The following EFNB2 variants were observed in gnomAD, a reference collection of about 807,000 sequenced individuals.
The protein encoded by EFNB2 is ephrin-B2.
A neutral mutation model predicts 32.1 loss-of-function variants in EFNB2; 5 were observed. The ratio of observed to expected loss-of-function variants is 0.16; its 90% CI spans 0.08 to 0.33. The LOEUF is 0.33. Ranked by LOEUF, EFNB2 falls within the 10% of genes least tolerant of loss-of-function variation. EFNB2 has a pLI of 1.00. For missense variants in EFNB2, 263 were observed against 422.6 expected (o/e 0.62, Z 3.31); for synonymous variants, 168 against 166.5 (o/e 1.01, Z -0.07).
intron 1 of EFNB2, among the ~76,000 whole-genome samples, chr13:106,532,806 A>G (rs55857805): frequency 0.3 from 42,997 of 145,258 alleles, 6,458 homozygotes; most frequent in Admixed American, 0.35. Context: ...AGACAGACTC[A>G]TCTTCATCAT....
At position 106,493,155 on chromosome 13, in the gene EFNB2, G is replaced by A. The variant is rs1305239957; in HGVS notation, c.887C>T (p.Ala296Val). 3.1e-6 allele frequency: 5 copies of A among 1,614,086 alleles called. No individual in the cohort carries two copies. The highest frequency in any genetic ancestry group is 1.7e-5 in the Admixed American group (1 of 60,024). The change falls in exon 5 of 5, where the codon GCG becomes GTG. Residue 296 changes from alanine to valine, a missense_variant. Around this residue, in one of 3 missense-constraint regions of EFNB2, gnomAD observed 172 missense variants for 237.1 expected, o/e 0.73. Transcript: ENST00000646441. This position sits in a 1 kb window ranked among gnomAD's most constrained non-coding sequence, Gnocchi z 6.1. ...GTAGTGAGGGCAGAAGACGCTGTCC[G>A]CAGTCCTTAGCGGGATGATAATGTC... ...PSDIIIPLRT[A>V]DSVFCPHYEK...
intron 1 of EFNB2, chr13:106,519,629 A>G (rs369849857): frequency 2.9e-4 from 44 of 152,318 alleles, no homozygotes; most frequent in African/African-American, 8.2e-4. Context: ...CATCAATAAT[A>G]TATGGCATGT....
intron 1 of EFNB2, among the ~76,000 whole-genome samples, chr13:106,533,570 A>T (rs1452301113): frequency 6.6e-6 from 1 of 152,220 alleles, no homozygotes; most frequent in East Asian, 1.9e-4. Context: ...CTTTTCATGA[A>T]GGGATTCTTG....
intron 1 of EFNB2, among the ~76,000 whole-genome samples, chr13:106,526,403 T>C (rs1023410657): frequency 2.6e-5 from 4 of 152,180 alleles, no homozygotes; most frequent in Non-Finnish European, 2.9e-5. Flanking sequence ...ATATCAATCA[T>C]GACGTACCGT....
At chr13:106,504,164 TA>T (rs1374402493) in intron 2 of EFNB2, among the ~76,000 whole-genome samples, 1 of 151,932 alleles carries the variant, frequency 6.6e-6, no homozygotes, top group Non-Finnish European at 1.5e-5. Context: ...AGGGTCAGAG[TA>T]AAAAGTTCAT....
At chr13:106,527,284 A>C (rs1879732900) in intron 1 of EFNB2, among the ~76,000 whole-genome samples, 1 of 151,732 alleles carries the variant, frequency 6.6e-6, no homozygotes, top group Non-Finnish European at 1.5e-5. Context: ...TAATACATAA[A>C]AACAACAATA....
chr13:106,532,554 T>C (rs1879913098), intron 1 of EFNB2, among the ~76,000 whole-genome samples: 1 of 152,148 alleles, frequency 6.6e-6, no homozygotes, highest in Admixed American at 6.5e-5. Flanking sequence ...CTCAAAAACT[T>C]AGAGAGGACT....
chr13:106,513,746 C>T lies in EFNB2; in HGVS notation c.123-934G>A, dbSNP rs549078917. Among the ~76,000 whole-genome samples, 3 of 82,740 alleles carry T rather than the reference C, an allele frequency of 3.6e-5. No homozygotes were observed. In the South Asian group the frequency reaches 1.5e-3, roughly 41 times the overall value. 54.3% of individuals were successfully genotyped at this position (82,740 alleles called of 152,430 possible). On this transcript the variant is annotated intron_variant, in intron 1 of 4. Coordinates refer to ENST00000646441, the MANE Select transcript of EFNB2 (RefSeq NM_004093.4). ...TACAAGTGCTAACACTAACAACACA[C>T]TTAGAAATCTCAGCTCGTTCGTAAG...
chr13:106,502,532 T>C (rs76673033), intron 2 of EFNB2, among the ~76,000 whole-genome samples: 2 of 152,294 alleles, frequency 1.3e-5, no homozygotes, highest in East Asian at 3.9e-4. Context: ...TATTACTTAA[T>C]TGCTTCTACT....
In EFNB2 at chr13:106,493,492, T is replaced by C; in HGVS notation, c.614-64A>G. 1 of 1,528,390 alleles carries C rather than the reference T, an allele frequency of 6.5e-7. No homozygotes were observed. Among genetic ancestry groups the C allele is most frequent in the Non-Finnish European group, 8.8e-7 (1 of 1,139,474 alleles). 94.7% of individuals were successfully genotyped at this position (1,528,390 alleles called of 1,614,324 possible). On this transcript the variant is annotated intron_variant, in intron 4 of 4. Coordinates refer to ENST00000646441, the MANE Select transcript of EFNB2 (RefSeq NM_004093.4). This position sits in a 1 kb window ranked among gnomAD's most constrained non-coding sequence, Gnocchi z 6.1. Reference sequence around the variant, plus strand: ...TGCTGTCCCAGTGCAGACGGACTGCTTTTATGACCCTTAAAAATGTGAAAA... The same window carrying C: ...TGCTGTCCCAGTGCAGACGGACTGCCTTTATGACCCTTAAAAATGTGAAAA...
intron 3 of EFNB2, 99 bp from the exon 4 acceptor site, chr13:106,495,093 C>G (rs1878545047): frequency 1.1e-6 from 1 of 908,236 alleles, no homozygotes; most frequent in South Asian, 1.4e-5. Context: ...TAGCAATGAA[C>G]ATAAGAGTCT....
chr13:106,494,348 T>TTTTACAATTTTACA (rs1289448159), intron 4 of EFNB2, among the ~76,000 whole-genome samples: 1 of 152,232 alleles, frequency 6.6e-6, no homozygotes, highest in Non-Finnish European at 1.5e-5. Context: ...GACAATTTTA[T>TTTTACAATTTTACA]CTGGTATTCT....
In EFNB2 at chr13:106,492,910, G is replaced by A. The variant is rs1878458373; in HGVS notation, c.*130C>T. 6.3e-6 allele frequency: 8 copies of A among 1,272,530 alleles called. No individual in the cohort carries two copies. Among genetic ancestry groups the A allele is most frequent in the East Asian group, 2.4e-5 (1 of 41,976 alleles). 78.8% of individuals were successfully genotyped at this position (1,272,530 alleles called of 1,614,324 possible). ...TGTCCAGCGCGACGGGCTCTTCCGA[G>A]GAGGAGTGTCCCTCTCCCCCGGTGC... is the stretch of plus-strand genomic sequence containing the variant. On this transcript the variant is annotated 3_prime_UTR_variant, in exon 5 of 5. Coordinates refer to ENST00000646441, the MANE Select transcript of EFNB2 (RefSeq NM_004093.4). This position sits in a 1 kb window ranked among gnomAD's most constrained non-coding sequence, Gnocchi z 5.1.
rs1879383229 is a variant in EFNB2, at chr13:106,518,279, T to G, written c.123-5467A>C. ...TGAATCCGAGAGGCGGAGGTTGCAG[T>G]GAGCCGAGATCGCACTACTGCACTC... On this transcript the variant is annotated intron_variant, in intron 1 of 4. Transcript: ENST00000646441. The surrounding 1 kb of genome is among the most constrained non-coding windows in gnomAD (Gnocchi z 4.1). 1 of 152,168 alleles carries G rather than the reference T, an allele frequency of 6.6e-6. No individual in the cohort carries two copies. 9.4% of individuals were successfully genotyped at this position (152,168 alleles called of 1,614,324 possible).
At chr13:106,520,611 A>G (rs927003811) in intron 1 of EFNB2, 2 of 152,234 alleles carry the variant, frequency 1.3e-5, no homozygotes, top group African/African-American at 2.4e-5. Context: ...CAGGATCTTC[A>G]GTCTTGCATG....
chr13:106,494,902 G>A lies in EFNB2; in HGVS notation c.592C>T (p.Pro198Ser). 1 of 1,614,072 alleles carries A rather than the reference G, an allele frequency of 6.2e-7. No individual in the cohort carries two copies. Among genetic ancestry groups the A allele is most frequent in the Non-Finnish European group, 8.5e-7 (1 of 1,179,954 alleles). Reference sequence around the variant, plus strand: ...ATACCTGGATTTGGTTTTACAAAGGGACTTGTTGTCGAACTTCTTCCATTT... The same window carrying A: ...ATACCTGGATTTGGTTTTACAAAGGAACTTGTTGTCGAACTTCTTCCATTT... ...GTNGRSSTTS[P>S]FVKPNPGSST... Residue 198 changes from proline to serine, a missense_variant, in exon 4 of 5, where the codon CCC becomes TCC. Transcript: ENST00000646441.
chr13:106,527,650 T>G (rs1353773573), intron 1 of EFNB2, among the ~76,000 whole-genome samples: 1 of 152,246 alleles, frequency 6.6e-6, no homozygotes. Context: ...CACTGCTGAT[T>G]GTCTGCTGGA....
chr13:106,495,665 T>G, intron 3 of EFNB2, 83 bp downstream of exon 3: 1 of 1,276,760 alleles, frequency 7.8e-7, no homozygotes, highest in South Asian at 1.3e-5. Context: ...CGAATGAAGG[T>G]GGGCATCGGC....
In EFNB2 at chr13:106,515,329, A is replaced by T. The variant is rs144307467; in HGVS notation, c.123-2517T>A. 4.8e-3 allele frequency among the ~76,000 whole-genome samples: 732 copies of T among 152,282 alleles called. 2 individuals are homozygous for T. Among genetic ancestry groups the T allele is most frequent in the African/African-American group, 0.017 (698 of 41,548 alleles). ...GATGTAAAGTTTTCATTCAGTGTGTACTGTCCAACTTTGTTAAAAATCTAT... is the reference window on the plus strand; with the variant it reads ...GATGTAAAGTTTTCATTCAGTGTGTTCTGTCCAACTTTGTTAAAAATCTAT... On this transcript the variant is annotated intron_variant, in intron 1 of 4. Coordinates refer to ENST00000646441, the MANE Select transcript of EFNB2 (RefSeq NM_004093.4).
Sources: allele counts gnomAD v4.1 joint callset (sites outside exome capture counted in the v4.1 genomes callset), GRCh38; gene constraint gnomAD v4.1.1; regional missense constraint gnomAD v4.1.1; non-coding constraint Gnocchi (gnomAD v3.1); transcripts MANE v1.5; gene names NCBI Gene and HGNC (gene_info 2026-07-23, HGNC 2026-07-21).